CFAP299: variants seen among roughly 807,000 people sequenced by gnomAD.
CFAP299 encodes the protein cilia- and flagella-associated protein 299.
In CFAP299, 21 loss-of-function variants were observed where a neutral mutation model predicts 27.0. The observed-to-expected ratio is 0.78, with a 90% CI of 0.55 to 1.12. The LOEUF is 1.12. Ranked by LOEUF, CFAP299 falls within the 50% of genes most tolerant of loss-of-function variation. CFAP299 has a pLI of 0.00. For synonymous variants in CFAP299, 104 were observed against 98.1 expected (o/e 1.06, Z -0.36); for missense variants, 310 against 276.6 (o/e 1.12, Z -0.86).
At chr4:80,655,418 G>C (rs1740506268) in intron 3 of CFAP299, among the ~76,000 whole-genome samples, 1 of 152,130 alleles carries the variant, frequency 6.6e-6, no homozygotes, top group African/African-American at 2.4e-5. Flanking sequence ...GACAGGAAAT[G>C]TATTTTATAT....
At chr4:80,525,080 A>C (rs1327573529) in intron 2 of CFAP299, among the ~76,000 whole-genome samples, 1 of 152,280 alleles carries the variant, frequency 6.6e-6, no homozygotes, top group Admixed American at 6.5e-5. Context: ...CTCCATAAGC[A>C]GTTTACAACA....
chr4:80,858,216 T>G (rs1211500847), intron 3 of CFAP299, among the ~76,000 whole-genome samples: 1 of 152,186 alleles, frequency 6.6e-6, no homozygotes, highest in Non-Finnish European at 1.5e-5. Flanking sequence ...TAGTATTCTC[T>G]GATGGTAGTT....
At chr4:80,414,633 A>G (rs549427470) in intron 2 of CFAP299, among the ~76,000 whole-genome samples, 2 of 152,274 alleles carry the variant, frequency 1.3e-5, no homozygotes, top group African/African-American at 4.8e-5. Flanking sequence ...CACCTCCTCA[A>G]GATAAAAGAG....
rs189410336 is a variant in CFAP299 at position 80,701,850 on chromosome 4, G to T, written c.333+118667G>T. Among the ~76,000 whole-genome samples the T allele has an allele frequency of 3.5e-3, 531 of 152,060 alleles. 3 individuals are homozygous for T. The highest frequency in any genetic ancestry group is 4.0e-3 in the Non-Finnish European group (273 of 67,870). On this transcript the variant is annotated intron_variant, in intron 3 of 5. Coordinates refer to ENST00000358105, the MANE Select transcript of CFAP299 (RefSeq NM_152770.3). ...TAGAATGATTATAAACAATGAACTT[G>T]CCAATGTGATACTGCTAATCAGTTT...
intron 3 of CFAP299, among the ~76,000 whole-genome samples, chr4:80,763,595 GA>G (rs1295079804): frequency 1.3e-5 from 2 of 151,998 alleles, no homozygotes; most frequent in Non-Finnish European, 2.9e-5. Context: ...CACAGGACTA[GA>G]AAAAACTACT....
chr4:80,867,427 C>T (rs772026608), intron 3 of CFAP299, among the ~76,000 whole-genome samples: 1 of 151,988 alleles, frequency 6.6e-6, no homozygotes. Flanking sequence ...GTTATTTATA[C>T]TTATTACAAA....
intron 2 of CFAP299, among the ~76,000 whole-genome samples, chr4:80,438,310 G>A (rs953679296): frequency 1.3e-5 from 2 of 152,180 alleles, no homozygotes; most frequent in African/African-American, 4.8e-5. Context: ...AAAGCCTTCA[G>A]TAAATGCAAA....
chr4:80,561,757 G>A (rs1044910903), intron 2 of CFAP299, among the ~76,000 whole-genome samples: 1 of 151,872 alleles, frequency 6.6e-6, no homozygotes, highest in African/African-American at 2.4e-5. Context: ...GAAAATACAC[G>A]GTCAGAGGAG....
chr4:80,885,202 G>T (rs1733914690), intron 4 of CFAP299, among the ~76,000 whole-genome samples: 1 of 152,192 alleles, frequency 6.6e-6, no homozygotes, highest in African/African-American at 2.4e-5. Context: ...GCCCATCCCA[G>T]CAATTGGAAC....
intron 4 of CFAP299, among the ~76,000 whole-genome samples, chr4:80,879,151 C>CCCTCTG (rs1733563131): frequency 6.6e-6 from 1 of 152,070 alleles, no homozygotes; most frequent in South Asian, 2.1e-4. Flanking sequence ...CTTCAGGGGA[C>CCCTCTG]ACATTTCACC....
At chr4:80,789,414 G>T (rs1727425224) in intron 3 of CFAP299, among the ~76,000 whole-genome samples, 1 of 152,000 alleles carries the variant, frequency 6.6e-6, no homozygotes, top group Non-Finnish European at 1.5e-5. Flanking sequence ...ATTTCAATTA[G>T]AACCCATTCT....
intron 3 of CFAP299, among the ~76,000 whole-genome samples, chr4:80,819,606 G>GGAAGCAATA (rs1244700406): frequency 7.9e-5 from 12 of 152,076 alleles, no homozygotes; most frequent in African/African-American, 2.4e-4. Context: ...GAGTAAGTAG[G>GGAAGCAATA]GAAGCAATAG....
intron 2 of CFAP299, among the ~76,000 whole-genome samples, chr4:80,382,877 A>G (rs555320216): frequency 7.9e-5 from 12 of 152,304 alleles, no homozygotes; most frequent in Non-Finnish European, 1.0e-4. Flanking sequence ...AAACACTTGC[A>G]CATGTATGTT....
At chr4:80,585,407 T>TA (rs1410341425) in intron 3 of CFAP299, among the ~76,000 whole-genome samples, 1 of 152,212 alleles carries the variant, frequency 6.6e-6, no homozygotes, top group Non-Finnish European at 1.5e-5. Flanking sequence ...TCCATATTGC[T>TA]ATCCCTCAAA....
chr4:80,523,148 CTTTGA>C (rs1358282065), intron 2 of CFAP299, among the ~76,000 whole-genome samples: 7 of 152,050 alleles, frequency 4.6e-5, no homozygotes. Flanking sequence ...TTTAGGTCTT[CTTTGA>C]TTTCTTTCAG....
At chr4:80,722,498 G>C (rs1433288584) in intron 3 of CFAP299, among the ~76,000 whole-genome samples, 1 of 151,406 alleles carries the variant, frequency 6.6e-6, no homozygotes, top group Non-Finnish European at 1.5e-5. Flanking sequence ...TTTTTCAAAA[G>C]ACACTCTTAG....
chr4:80,439,247 G>T (rs1193048760), intron 2 of CFAP299, among the ~76,000 whole-genome samples: 2 of 152,316 alleles, frequency 1.3e-5, no homozygotes, highest in East Asian at 3.9e-4. Flanking sequence ...AGCAATTAGG[G>T]TTTCAGGGCA....
At position 80,448,003 on chromosome 4, in the gene CFAP299, C is replaced by T. The variant is rs572245933; in HGVS notation, c.242+85119C>T. On this transcript the variant is annotated intron_variant, in intron 2 of 5. Transcript: ENST00000358105. ...ATTTGTGGATCTGTGCAGCCTCACT[C>T]ATTGGCACTCCCACCACCATGTTTT... Among the ~76,000 whole-genome samples, 13 of 152,338 alleles carry T rather than the reference C, an allele frequency of 8.5e-5. No individual in the cohort carries two copies. In the East Asian group the frequency reaches 1.7e-3, roughly 20 times the overall value.
At position 80,509,203 on chromosome 4, in the gene CFAP299, A is replaced by C. The variant is rs75958817; in HGVS notation, c.243-73890A>C. ...TTGAACATACACTGTTAATATGCAAAATTACTTAATTTTAGTTTTAAACAC... is the reference window on the plus strand; with the variant it reads ...TTGAACATACACTGTTAATATGCAACATTACTTAATTTTAGTTTTAAACAC... On this transcript the variant is annotated intron_variant, in intron 2 of 5. Coordinates refer to ENST00000358105, the MANE Select transcript of CFAP299 (RefSeq NM_152770.3). 1.4e-3 allele frequency among the ~76,000 whole-genome samples: 218 copies of C among 152,278 alleles called. 2 individuals carry two copies. The East Asian group carries it at 0.021, about 15-fold the overall frequency.
Sources: allele counts gnomAD v4.1 joint callset (sites outside exome capture counted in the v4.1 genomes callset), GRCh38; gene constraint gnomAD v4.1.1; transcripts MANE v1.5; gene names NCBI Gene and HGNC (gene_info 2026-07-23, HGNC 2026-07-21).